NALF1: variants seen among roughly 807,000 people sequenced by gnomAD.
The protein encoded by NALF1 is family with sequence similarity 155 member A.
In NALF1, 3 loss-of-function variants were observed where a neutral mutation model predicts 48.4. The ratio of observed to expected loss-of-function variants is 0.06; its 90% CI spans 0.03 to 0.16. NALF1 has a LOEUF of 0.16. Among genes scored for constraint, NALF1 ranks in the 10% least tolerant of loss-of-function variants. The pLI, the probability that NALF1 is intolerant of heterozygous loss-of-function variation, is 1.00. For synonymous variants in NALF1, 262 were observed against 245.7 expected (o/e 1.07, Z -0.62); for missense variants, 526 against 571.5 (o/e 0.92, Z 0.81).
intron 1 of NALF1, among the ~76,000 whole-genome samples, chr13:107,501,154 A>C (rs1368455156): frequency 2.0e-5 from 3 of 152,118 alleles, no homozygotes; most frequent in Non-Finnish European, 4.4e-5. Flanking sequence ...TGTCTTCTGG[A>C]AGAGGAGAAA....
At chr13:107,585,703 C>G (rs1237732767) in intron 1 of NALF1, among the ~76,000 whole-genome samples, 1 of 152,114 alleles carries the variant, frequency 6.6e-6, no homozygotes, top group East Asian at 1.9e-4. Flanking sequence ...CAGCCTCTGC[C>G]ATCTGTTCTT....
chr13:107,431,537 T>TTAA (rs1258660930), intron 1 of NALF1, among the ~76,000 whole-genome samples: 2 of 152,048 alleles, frequency 1.3e-5, no homozygotes, highest in African/African-American at 4.8e-5. Flanking sequence ...AAGGAACGAG[T>TTAA]GTTAAGTAGG....
intron 1 of NALF1, among the ~76,000 whole-genome samples, chr13:107,702,044 T>C (rs892016471): frequency 6.6e-6 from 1 of 152,170 alleles, no homozygotes; most frequent in African/African-American, 2.4e-5. Context: ...TGGTCAAATG[T>C]ATCTCTGAAA....
chr13:107,386,024 A>G (rs183084773), intron 1 of NALF1, among the ~76,000 whole-genome samples: 17 of 152,354 alleles, frequency 1.1e-4, no homozygotes, highest in Admixed American at 3.9e-4. Context: ...CTTAAGGTCT[A>G]TAAAAACCAG....
At chr13:107,354,732 G>C (rs1882932537) in intron 1 of NALF1, among the ~76,000 whole-genome samples, 1 of 152,134 alleles carries the variant, frequency 6.6e-6, no homozygotes, top group Non-Finnish European at 1.5e-5. Flanking sequence ...TTGGACTTCT[G>C]TTTCTGTAGT....
At chr13:107,484,697 G>A (rs1397325049) in intron 1 of NALF1, among the ~76,000 whole-genome samples, 1 of 152,110 alleles carries the variant, frequency 6.6e-6, no homozygotes, top group Admixed American at 6.6e-5. Context: ...AAGATAAGGA[G>A]GAATAAAATC....
intron 1 of NALF1, among the ~76,000 whole-genome samples, chr13:107,766,901 T>C (rs16971076): frequency 2.0e-5 from 3 of 152,102 alleles, no homozygotes; most frequent in African/African-American, 7.2e-5. Flanking sequence ...TATTTTCATG[T>C]TAAAAACAAA....
In NALF1 at chr13:107,833,620, G is replaced by T. The variant is rs571028268; in HGVS notation, c.915+32062C>A. On this transcript the variant is annotated intron_variant, in intron 1 of 2. Coordinates refer to ENST00000375915, the MANE Select transcript of NALF1 (RefSeq NM_001080396.3). ...CTTCTCAATCCTTTCCATTACAAAG[G>T]TGTCAAAAACAAGATACTTGACATA... is the stretch of plus-strand genomic sequence containing the variant. Among the ~76,000 whole-genome samples the T allele has an allele frequency of 2.6e-5, 4 of 152,078 alleles. No homozygotes were observed. In the South Asian group the frequency reaches 6.3e-4, roughly 24 times the overall value.
intron 1 of NALF1, among the ~76,000 whole-genome samples, chr13:107,375,923 TAC>T (rs373266204): frequency 4.3e-4 from 64 of 148,834 alleles, no homozygotes; most frequent in Middle Eastern, 3.4e-3. Flanking sequence ...CAACCTGCTA[TAC>T]ACACACACAC....
chr13:107,175,028 C>A (rs1478848153), intron 2 of NALF1, among the ~76,000 whole-genome samples: 3 of 126,156 alleles, frequency 2.4e-5, no homozygotes, highest in East Asian at 4.5e-4. Flanking sequence ...GGACTACAGG[C>A]GCCCGCCACG....
At chr13:107,512,032 G>A (rs1371208256) in intron 1 of NALF1, among the ~76,000 whole-genome samples, 1 of 152,196 alleles carries the variant, frequency 6.6e-6, no homozygotes, top group Admixed American at 6.5e-5. Context: ...CATTTGGTTG[G>A]TTGGTTCACT....
In NALF1 at chr13:107,202,240, T is replaced by C. The variant is rs781239366; in HGVS notation, c.1087+8344A>G. The stretch of plus-strand genomic sequence containing the variant: ...TAAAGTTCTGCTTACAAATTGGTCT[T>C]CAGTTTTTAAACCTAAGGTATTTCT... On this transcript the variant is annotated intron_variant, in intron 2 of 2. Coordinates refer to ENST00000375915, the MANE Select transcript of NALF1 (RefSeq NM_001080396.3). Among the ~76,000 whole-genome samples the C allele has an allele frequency of 1.6e-4, 25 of 152,114 alleles. 1 individual carries two copies. The Middle Eastern group carries it at 0.027, about 167-fold the overall frequency.
At chr13:107,587,807 T>C (rs954937672) in intron 1 of NALF1, among the ~76,000 whole-genome samples, 23 of 152,162 alleles carry the variant, frequency 1.5e-4, no homozygotes, top group African/African-American at 5.3e-4. Context: ...TGTTTTCAAC[T>C]GGGCTAGAGG....
intron 2 of NALF1, among the ~76,000 whole-genome samples, chr13:107,198,041 T>C (rs1464313789): frequency 6.6e-6 from 1 of 152,194 alleles, no homozygotes; most frequent in African/African-American, 2.4e-5. Context: ...CAAATATACT[T>C]TCAAATGGAA....
intron 1 of NALF1, among the ~76,000 whole-genome samples, chr13:107,280,032 T>A (rs891263476): frequency 3.9e-5 from 6 of 152,138 alleles, no homozygotes; most frequent in African/African-American, 1.4e-4. Flanking sequence ...GCTCAACCGA[T>A]CCTCCTGCCT....
chr13:107,600,422 C>T (rs537922496), intron 1 of NALF1, among the ~76,000 whole-genome samples: 1 of 152,140 alleles, frequency 6.6e-6, no homozygotes, highest in African/African-American at 2.4e-5. Flanking sequence ...TAAAAACAGA[C>T]CTCCTCAAAC....
At chr13:107,411,835 A>G (rs1883997268) in intron 1 of NALF1, among the ~76,000 whole-genome samples, 1 of 152,128 alleles carries the variant, frequency 6.6e-6, no homozygotes, top group Admixed American at 6.6e-5. Flanking sequence ...GGGAGTGGAA[A>G]AGAAGGGGCT....
At chr13:107,661,918 T>A (rs1880743248) in intron 1 of NALF1, among the ~76,000 whole-genome samples, 1 of 152,272 alleles carries the variant, frequency 6.6e-6, no homozygotes, top group South Asian at 2.1e-4. Flanking sequence ...TTTTTTCAAC[T>A]CTTAAACCCA....
At chr13:107,517,332 T>C (rs1370193337) in intron 1 of NALF1, among the ~76,000 whole-genome samples, 1 of 152,102 alleles carries the variant, frequency 6.6e-6, no homozygotes, top group Non-Finnish European at 1.5e-5. Flanking sequence ...TGGGAATTTT[T>C]AAAAATTAAA....
Sources: gnomAD v4.1 joint callset for allele counts (sites outside exome capture counted in the v4.1 genomes callset) on GRCh38, gnomAD v4.1.1 for gene constraint, MANE v1.5 for transcripts, NCBI Gene and HGNC (gene_info 2026-07-23, HGNC 2026-07-21) for gene names.